The following CERS4 variants were observed in gnomAD, a reference collection of about 807,000 sequenced individuals.
CERS4 encodes the protein ceramide synthase 4.
In CERS4, 65 loss-of-function variants were observed where a neutral mutation model predicts 51.8. That is an observed-to-expected ratio of 1.26 (90% confidence interval 1.03 to 1.54). The LOEUF is 1.54. CERS4 is among the 40% of genes most tolerant of loss of function. CERS4 has a pLI of 0.00. For synonymous variants in CERS4, 228 were observed against 208.4 expected, an observed-to-expected ratio of 1.09 and a Z score of -0.81; for missense variants, 563 against 500.4, an observed-to-expected ratio of 1.13 and a Z score of -1.19.
At chr19:8,215,295 A>T (rs549386454) in intron 2 of CERS4, among the ~76,000 whole-genome samples, 1 of 152,102 alleles carries the variant, frequency 6.6e-6, no homozygotes, top group African/African-American at 2.4e-5. Flanking sequence ...CGTGGCCAAC[A>T]TGGCGAAACC....
At position 8,256,841 on chromosome 19, in the gene CERS4, G is replaced by T. The variant is rs1599593138; in HGVS notation, c.613-108G>T. The stretch of plus-strand genomic sequence containing the variant: ...CCTGCAGGAGATATAGAGGCCATGG[G>T]CCCAGAGGCCACACCAACCCCCTGA... On this transcript the variant is annotated intron_variant, in intron 8 of 11. Transcript: ENST00000251363. 9 of 1,590,266 alleles carry T rather than the reference G, an allele frequency of 5.7e-6. No homozygotes were observed. The East Asian group carries it at 2.0e-4, about 36-fold the overall frequency.
rs1568523526 is a variant in CERS4 at position 8,245,127 on chromosome 19, A to AAACAAAAC, written c.-1-5947_-1-5946insCAAAACAA. Among the ~76,000 whole-genome samples, 26 of 142,188 alleles carry AAACAAAAC rather than the reference A, an allele frequency of 1.8e-4. 1 individual carries two copies. Among genetic ancestry groups the AAACAAAAC allele is most frequent in the Admixed American group, 2.7e-4 (4 of 14,692 alleles). The allele number at this position is 142,188 out of a possible 152,430, so 93.3% of individuals were successfully genotyped here. On this transcript the variant is annotated intron_variant, in intron 2 of 11. Transcript: ENST00000251363. ...ACTCCATCTCAAAAAAAAAAAAAAA[A>AAACAAAAC]AAAAAAAACACTCTTGGCTTCAAGC... is the stretch of plus-strand genomic sequence containing the variant.
chr19:8,226,092 G>A (rs1221873169), intron 2 of CERS4, among the ~76,000 whole-genome samples: 1 of 152,060 alleles, frequency 6.6e-6, no homozygotes, highest in African/African-American at 2.4e-5. Flanking sequence ...AGCTACTTGG[G>A]AGGCTGAGAC....
rs1027006474 is a variant in CERS4, at chr19:8,261,955, T to C, written c.1031T>C (p.Val344Ala). The C allele has an allele frequency of 1.9e-6, 3 of 1,606,786 alleles. No individual in the cohort carries two copies. In the Middle Eastern group the frequency reaches 5.0e-4, roughly 266 times the overall value. The change falls in exon 12 of 12, where the codon GTA (valine) becomes GCA (alanine). Residue 344 changes from valine (V) to alanine (A), a missense_variant. Val to Ala is a moderately conservative substitution (Grantham distance 64). Transcript: ENST00000251363. Reference protein sequence around the residue: ...GQMEKDIRSDVEESDSSEEAA... With the variant: ...GQMEKDIRSDAEESDSSEEAA... Reference sequence around the variant, plus strand: ...ATGGAGAAGGACATTCGTAGTGATGTAGAAGAATCAGACTCCAGTGAGGAG... The same window carrying C: ...ATGGAGAAGGACATTCGTAGTGATGCAGAAGAATCAGACTCCAGTGAGGAG...
At chr19:8,224,447 G>A (rs890874641) in intron 2 of CERS4, among the ~76,000 whole-genome samples, 1 of 151,520 alleles carries the variant, frequency 6.6e-6, no homozygotes, top group African/African-American at 2.4e-5. Flanking sequence ...AAAGTTCTGA[G>A]AAAGATGAGG....
At chr19:8,233,581 T>C (rs1018424699) in intron 2 of CERS4, among the ~76,000 whole-genome samples, 2 of 152,272 alleles carry the variant, frequency 1.3e-5, no homozygotes, top group East Asian at 1.9e-4. Flanking sequence ...TGGTTTTCCA[T>C]TGTATAAATT....
At position 8,257,917 on chromosome 19, in the gene CERS4, G is replaced by C. The variant is rs767061903; in HGVS notation, c.780G>C (p.Val260=). The change falls in exon 10 of 12, where the codon GTG becomes GTC. Residue 260 remains valine, a synonymous_variant. Coordinates refer to ENST00000251363, the MANE Select transcript of CERS4 (RefSeq NM_024552.3). ...TCAACTACATGCAGTATCAGCAAGTGTGCGACGCTCTCTTCCTCATCTTCT... is the reference window on the plus strand; with the variant it reads ...TCAACTACATGCAGTATCAGCAAGTCTGCGACGCTCTCTTCCTCATCTTCT... ...KMVNYMQYQQ[V]CDALFLIFSF... 1.9e-6 allele frequency: 3 copies of C among 1,613,970 alleles called. No individual in the cohort carries two copies. Among genetic ancestry groups the C allele is most frequent in the Non-Finnish European group, 1.7e-6 (2 of 1,179,994 alleles).
intron 10 of CERS4, chr19:8,261,406 G>A: frequency 2.3e-6 from 1 of 443,074 alleles, no homozygotes; most frequent in Non-Finnish European, 4.1e-6. Context: ...CTGCCAGAGT[G>A]CCACCCAGGA....
At chr19:8,228,386 A>G (rs1967872467) in intron 2 of CERS4, among the ~76,000 whole-genome samples, 1 of 152,186 alleles carries the variant, frequency 6.6e-6, no homozygotes, top group Non-Finnish European at 1.5e-5. Flanking sequence ...AAATTTTTAA[A>G]TATGTCAGCC....
intron 2 of CERS4, among the ~76,000 whole-genome samples, chr19:8,218,877 G>C (rs1471464139): frequency 1.3e-5 from 2 of 152,162 alleles, no homozygotes; most frequent in Non-Finnish European, 2.9e-5. Flanking sequence ...GGGGCTCTCT[G>C]TGGCTTCTTG....
intron 2 of CERS4, among the ~76,000 whole-genome samples, chr19:8,237,838 G>C (rs1027611669): frequency 2.0e-5 from 3 of 152,154 alleles, no homozygotes; most frequent in Non-Finnish European, 4.4e-5. Flanking sequence ...GCGACAGAGC[G>C]AGACTCCGTG....
At chr19:8,249,310 C>T (rs371256627) in intron 2 of CERS4, among the ~76,000 whole-genome samples, 11 of 152,020 alleles carry the variant, frequency 7.2e-5, no homozygotes, top group South Asian at 4.1e-4. Flanking sequence ...GACGAATGAA[C>T]GAACAAACTT....
intron 2 of CERS4, among the ~76,000 whole-genome samples, chr19:8,214,021 T>C (rs1313594639): frequency 6.6e-6 from 1 of 151,896 alleles, no homozygotes; most frequent in Non-Finnish European, 1.5e-5. Context: ...GACCTTCCCC[T>C]CCCTGAGTCT....
At chr19:8,221,886 T>A (rs1001293846) in intron 2 of CERS4, among the ~76,000 whole-genome samples, 2,929 of 92,928 alleles carry the variant, frequency 0.032, 220 homozygotes, top group African/African-American at 0.1. Context: ...TTTTTTTTTT[T>A]TTTTTTTTTT....
intron 2 of CERS4, among the ~76,000 whole-genome samples, chr19:8,249,682 C>CCCGGGTTCAA (rs1305054541): frequency 1.3e-5 from 2 of 150,370 alleles, no homozygotes; most frequent in Non-Finnish European, 3.0e-5. Context: ...ACCTCCGCCT[C>CCCGGGTTCAA]CCGGGTTCAA....
At chr19:8,251,380 C>T in intron 3 of CERS4, 131 bp downstream of exon 3, 1 of 1,406,650 alleles carries the variant, frequency 7.1e-7, no homozygotes, top group South Asian at 1.6e-5. Context: ...CGTTCCCTGG[C>T]TCCAGCCTGC....
At chr19:8,223,841 G>A (rs559166872) in intron 2 of CERS4, among the ~76,000 whole-genome samples, 2 of 152,158 alleles carry the variant, frequency 1.3e-5, no homozygotes, top group South Asian at 4.2e-4. Flanking sequence ...GCTCATGCCT[G>A]TAATCCCAGC....
At chr19:8,259,558 G>A (rs937999497) in intron 10 of CERS4, among the ~76,000 whole-genome samples, 2 of 152,138 alleles carry the variant, frequency 1.3e-5, no homozygotes, top group African/African-American at 4.8e-5. Context: ...GAAACATCAT[G>A]GGAAGTGTGG....
chr19:8,219,840 G>T (rs1445906302), intron 2 of CERS4, among the ~76,000 whole-genome samples: 1 of 151,212 alleles, frequency 6.6e-6, no homozygotes, highest in Non-Finnish European at 1.5e-5. Context: ...AATTAGCTGG[G>T]TATAGTGGCA....
Sources: allele counts gnomAD v4.1 joint callset (sites outside exome capture counted in the v4.1 genomes callset), GRCh38; gene constraint gnomAD v4.1.1; transcripts MANE v1.5; gene names NCBI Gene and HGNC (gene_info 2026-07-23, HGNC 2026-07-21).